The following HERPUD2 variants were observed in gnomAD, a reference collection of about 807,000 sequenced individuals.
The protein encoded by HERPUD2 is HERPUD family member 2.
A neutral mutation model predicts 49.9 loss-of-function variants in HERPUD2; 13 were observed. The ratio of observed to expected loss-of-function variants is 0.26; its 90% CI spans 0.17 to 0.41. The LOEUF is 0.41. Ranked by LOEUF, HERPUD2 falls within the 10% of genes least tolerant of loss-of-function variation. HERPUD2 has a pLI of 1.00. For missense variants in HERPUD2, 449 were observed against 492.2 expected (o/e 0.91, Z 0.83); for synonymous variants, 172 against 171.4 (o/e 1.00, Z -0.03).
At chr7:35,654,962 C>T (rs1272476064) in intron 5 of HERPUD2, among the ~76,000 whole-genome samples, 5 of 152,178 alleles carry the variant, frequency 3.3e-5, no homozygotes, top group Non-Finnish European at 1.5e-5. Flanking sequence ...TCAAGCGATG[C>T]TCCTGCCTCA....
intron 5 of HERPUD2, among the ~76,000 whole-genome samples, chr7:35,640,534 C>A (rs1784953065): frequency 6.6e-6 from 1 of 152,124 alleles, no homozygotes; most frequent in Admixed American, 6.6e-5. Context: ...AAATAAATAA[C>A]CTCCCCAAGT....
chr7:35,636,044 A>G (rs1784867751), intron 6 of HERPUD2, among the ~76,000 whole-genome samples: 1 of 152,208 alleles, frequency 6.6e-6, no homozygotes, highest in African/African-American at 2.4e-5. Flanking sequence ...GTTAGAAAGA[A>G]TTGTGATTCT....
At chr7:35,643,472 A>C (rs1784999671) in intron 5 of HERPUD2, among the ~76,000 whole-genome samples, 1 of 152,190 alleles carries the variant, frequency 6.6e-6, no homozygotes, top group South Asian at 2.1e-4. Context: ...AGGAATGAAG[A>C]TCTCTCTCTA....
intron 2 of HERPUD2, among the ~76,000 whole-genome samples, chr7:35,682,837 A>AT (rs1021151777): frequency 1.3e-5 from 2 of 151,916 alleles, no homozygotes; most frequent in African/African-American, 2.4e-5. Context: ...AAAAAAAAAA[A>AT]AAATACTTAG....
At chr7:35,666,469 CTACAT>C (rs1338722630) in intron 5 of HERPUD2, among the ~76,000 whole-genome samples, 1 of 152,202 alleles carries the variant, frequency 6.6e-6, no homozygotes. Flanking sequence ...GTTACACCAC[CTACAT>C]TACAATTCTG....
chr7:35,670,802 T>C (rs1479798036), intron 3 of HERPUD2, among the ~76,000 whole-genome samples: 1 of 152,098 alleles, frequency 6.6e-6, no homozygotes, highest in African/African-American at 2.4e-5. Context: ...AAAAACTATT[T>C]TTATCTATAA....
Position 35,685,551 on chromosome 7 carries a change from C to T in HERPUD2, c.147+8633G>A, listed in dbSNP as rs1234374714. Reference sequence around the variant, plus strand: ...ATGTTGACCAGGCTGGTCTCGAACTCCTGACCTCAGGTGATCTGCCCATTT... The same window carrying T: ...ATGTTGACCAGGCTGGTCTCGAACTTCTGACCTCAGGTGATCTGCCCATTT... On this transcript the variant is annotated intron_variant, in intron 2 of 8. Coordinates refer to ENST00000311350, the MANE Select transcript of HERPUD2 (RefSeq NM_022373.5). Among the ~76,000 whole-genome samples the T allele has an allele frequency of 2.6e-5, 4 of 152,006 alleles. No homozygotes were observed. The East Asian group carries it at 7.9e-4, about 30-fold the overall frequency.
At chr7:35,665,562 T>C (rs1331840682) in intron 5 of HERPUD2, among the ~76,000 whole-genome samples, 2 of 152,198 alleles carry the variant, frequency 1.3e-5, no homozygotes, top group Non-Finnish European at 2.9e-5. Flanking sequence ...CCCCTTGCGC[T>C]TCCCAGGTGA....
At chr7:35,673,126 T>A (rs1268864087) in intron 3 of HERPUD2, 75 bp downstream of exon 3, 2 of 1,114,532 alleles carry the variant, frequency 1.8e-6, no homozygotes, top group East Asian at 4.8e-5. Context: ...CTGAACTGGT[T>A]GAATAAAATT....
chr7:35,658,963 A>T (rs1463428418), intron 5 of HERPUD2, among the ~76,000 whole-genome samples: 2 of 152,228 alleles, frequency 1.3e-5, no homozygotes, highest in Non-Finnish European at 2.9e-5. Flanking sequence ...ACCATCTCAA[A>T]ACTAGTGATT....
rs771042725 is a variant in HERPUD2, at chr7:35,638,358, A to G, written c.609T>C (p.Tyr203=). 9 of 1,608,952 alleles carry G rather than the reference A, an allele frequency of 5.6e-6. 1 individual carries two copies. In the Middle Eastern group the frequency reaches 9.9e-4, roughly 177 times the overall value. The change falls in exon 6 of 9, where the codon TAT becomes TAC. Residue 203 remains tyrosine, a synonymous_variant. Coordinates refer to ENST00000311350, the MANE Select transcript of HERPUD2 (RefSeq NM_022373.5). ...WWQQMYAHQY[Y]MQYQAAVSAQ... The stretch of plus-strand genomic sequence containing the variant: ...AACTCAGATTAACTTACTACTGCAT[A>G]TAATACTGATGAGCATACATCTGTT...
intron 2 of HERPUD2, among the ~76,000 whole-genome samples, chr7:35,686,744 AACC>A (rs1247618620): frequency 6.7e-5 from 7 of 104,834 alleles, no homozygotes; most frequent in African/African-American, 3.4e-4. Context: ...AAAAAAAAAA[AACC>A]AAACCCATTT....
chr7:35,663,527 G>T lies in HERPUD2; in HGVS notation c.494+3907C>A, dbSNP rs182168729. Reference sequence around the variant, plus strand: ...TGTTAAAGTCTCCCATTATTATTGCGTGGGAGTCTAAGTCTCTTTGTAGGT... The same window carrying T: ...TGTTAAAGTCTCCCATTATTATTGCTTGGGAGTCTAAGTCTCTTTGTAGGT... On this transcript the variant is annotated intron_variant, in intron 5 of 8. Transcript: ENST00000311350. Among the ~76,000 whole-genome samples the T allele has an allele frequency of 3.8e-4, 58 of 152,204 alleles. 1 individual carries two copies. The East Asian group carries it at 0.011, about 28-fold the overall frequency.
At chr7:35,666,186 C>T (rs1273820056) in intron 5 of HERPUD2, among the ~76,000 whole-genome samples, 10 of 152,168 alleles carry the variant, frequency 6.6e-5, no homozygotes, top group Admixed American at 6.5e-4. Context: ...ACAAGTAAAT[C>T]TTGGTTTATA....
chr7:35,639,707 T>C (rs1784937072), intron 5 of HERPUD2, among the ~76,000 whole-genome samples: 1 of 152,236 alleles, frequency 6.6e-6, no homozygotes, highest in African/African-American at 2.4e-5. Context: ...TATAATTTTA[T>C]ATTCTAAAGA....
At chr7:35,634,912 T>C (rs1434258702) in intron 7 of HERPUD2, among the ~76,000 whole-genome samples, 1 of 152,180 alleles carries the variant, frequency 6.6e-6, no homozygotes, top group Non-Finnish European at 1.5e-5. Context: ...ATGAACAACT[T>C]TTATAAAATA....
chr7:35,639,757 C>A lies in HERPUD2; in HGVS notation c.495-1285G>T, dbSNP rs17766802. ...AATTGGTAATAATTGATTATAGAAA[C>A]CTAACTTAGAAGAGCCTGGGGAGCT... On this transcript the variant is annotated intron_variant, in intron 5 of 8. Transcript: ENST00000311350. Among the ~76,000 whole-genome samples, 312 of 152,148 alleles carry A rather than the reference C, an allele frequency of 2.1e-3. 13 individuals carry two copies. In the East Asian group the frequency reaches 0.049, roughly 24 times the overall value.
At chr7:35,650,267 C>T (rs980375808) in intron 5 of HERPUD2, among the ~76,000 whole-genome samples, 2 of 152,062 alleles carry the variant, frequency 1.3e-5, no homozygotes, top group Admixed American at 6.6e-5. Flanking sequence ...AGCAAGGCAG[C>T]CTGCTGCACT....
intron 5 of HERPUD2, among the ~76,000 whole-genome samples, chr7:35,666,568 G>A (rs1487830838): frequency 3.9e-5 from 6 of 152,152 alleles, no homozygotes; most frequent in East Asian, 1.9e-4. Flanking sequence ...GGCTTGATAC[G>A]CAACACAGAA....
Sources: gnomAD v4.1 joint callset for allele counts (sites outside exome capture counted in the v4.1 genomes callset) on GRCh38, gnomAD v4.1.1 for gene constraint, MANE v1.5 for transcripts, NCBI Gene and HGNC (gene_info 2026-07-23, HGNC 2026-07-21) for gene names.